The following SGCZ variants were observed in gnomAD, a reference collection of about 807,000 sequenced individuals.
SGCZ encodes sarcoglycan zeta.
SGCZ carries 40 observed loss-of-function variants against 41.3 expected under a neutral mutation model. That is an observed-to-expected ratio of 0.97 (90% CI 0.75 to 1.26). The LOEUF is 1.26. Ranked by LOEUF, SGCZ falls within the 50% of genes most tolerant of loss-of-function variation. The probability of loss-of-function intolerance (pLI) is 0.00; values close to 1 mark genes in which losing one functional copy is unlikely to be tolerated. For synonymous variants in SGCZ, 206 were observed against 137.5 expected (o/e 1.50, Z -3.49); for missense variants, 552 against 369.8 (o/e 1.49, Z -4.04).
chr8:15,139,514 T>C (rs1461454034), intron 1 of SGCZ, among the ~76,000 whole-genome samples: 2 of 152,136 alleles, frequency 1.3e-5, no homozygotes, highest in African/African-American at 4.8e-5. Flanking sequence ...ATAAATATTA[T>C]TGTGTATATT....
At chr8:14,448,916 A>G (rs1480208287) in intron 2 of SGCZ, among the ~76,000 whole-genome samples, 1 of 152,198 alleles carries the variant, frequency 6.6e-6, no homozygotes, top group Non-Finnish European at 1.5e-5. Flanking sequence ...ACTAGGCATG[A>G]CCAAAAAAGT....
intron 1 of SGCZ, among the ~76,000 whole-genome samples, chr8:14,933,147 C>T (rs142608506): frequency 2.6e-5 from 4 of 152,034 alleles, no homozygotes; most frequent in Admixed American, 6.5e-5. Flanking sequence ...CTCACTACGT[C>T]GGTAACAGCA....
At chr8:14,898,768 G>A (rs935072006) in intron 1 of SGCZ, among the ~76,000 whole-genome samples, 47 of 152,120 alleles carry the variant, frequency 3.1e-4, no homozygotes, top group Admixed American at 1.7e-3. Flanking sequence ...ACTAGTTGGA[G>A]ATAAGATTTG....
intron 1 of SGCZ, among the ~76,000 whole-genome samples, chr8:14,641,369 A>C (rs186439953): frequency 3.9e-4 from 60 of 151,904 alleles, no homozygotes; most frequent in African/African-American, 1.3e-3. Flanking sequence ...TATGTTTTAA[A>C]GTATTTTAAT....
chr8:15,084,417 C>A (rs879056061), intron 1 of SGCZ, among the ~76,000 whole-genome samples: 6 of 152,054 alleles, frequency 3.9e-5, no homozygotes, highest in Admixed American at 3.9e-4. Flanking sequence ...ATAAGTTATT[C>A]AAAGTAATAA....
At chr8:15,006,724 AT>A (rs1371608767) in intron 1 of SGCZ, among the ~76,000 whole-genome samples, 9 of 152,228 alleles carry the variant, frequency 5.9e-5, no homozygotes, top group Non-Finnish European at 1.2e-4. Flanking sequence ...CTATAAAAAA[AT>A]CTTGACGAGA....
chr8:14,901,065 A>G (rs1326004925), intron 1 of SGCZ, among the ~76,000 whole-genome samples: 3 of 152,324 alleles, frequency 2.0e-5, no homozygotes, highest in African/African-American at 7.2e-5. Flanking sequence ...AAGAATGCTT[A>G]CTCAAAGGAA....
intron 1 of SGCZ, among the ~76,000 whole-genome samples, chr8:15,023,656 T>C (rs548015557): frequency 1.4e-4 from 22 of 152,320 alleles, no homozygotes; most frequent in African/African-American, 4.3e-4. Flanking sequence ...TTTTTAAATA[T>C]TGGCATGCAA....
intron 1 of SGCZ, among the ~76,000 whole-genome samples, chr8:15,151,228 T>G (rs1276249444): frequency 6.6e-6 from 1 of 152,208 alleles, no homozygotes; most frequent in Non-Finnish European, 1.5e-5. Context: ...AATCAAGGCT[T>G]CAGATGAAGC....
chr8:15,021,399 G>A (rs1483977527), intron 1 of SGCZ, among the ~76,000 whole-genome samples: 2 of 152,194 alleles, frequency 1.3e-5, no homozygotes, highest in Admixed American at 1.3e-4. Context: ...GTTCAGACTT[G>A]TGTTCTAGGG....
rs556691965 is a variant in SGCZ, at chr8:14,932,645, T to C, written c.39+304940A>G. Among the ~76,000 whole-genome samples the C allele has an allele frequency of 8.5e-5, 13 of 152,076 alleles. No homozygotes were observed. In the South Asian group the frequency reaches 2.7e-3, roughly 32 times the overall value. ...TCAGCCAAGCAAGGCAAAACAAAAATAAATGTGTAAAGTGCTAATAGTGTA... is the reference window on the plus strand; with the variant it reads ...TCAGCCAAGCAAGGCAAAACAAAAACAAATGTGTAAAGTGCTAATAGTGTA... On this transcript the variant is annotated intron_variant, in intron 1 of 7. Transcript: ENST00000382080.
intron 3 of SGCZ, among the ~76,000 whole-genome samples, chr8:14,254,905 G>C (rs6530744): frequency 0.67 from 101,729 of 151,578 alleles, 34,484 homozygotes; most frequent in South Asian, 0.8. Context: ...CAGTGACTAT[G>C]AATTTGCACA....
intron 1 of SGCZ, among the ~76,000 whole-genome samples, chr8:15,073,951 T>C (rs975380514): frequency 6.6e-6 from 1 of 152,178 alleles, no homozygotes; most frequent in Non-Finnish European, 1.5e-5. Context: ...AACCTAACTA[T>C]GGGAAGAATT....
intron 1 of SGCZ, among the ~76,000 whole-genome samples, chr8:15,200,342 T>A (rs1216472712): frequency 6.6e-6 from 1 of 152,198 alleles, no homozygotes; most frequent in Non-Finnish European, 1.5e-5. Context: ...TACCAGGACT[T>A]CCTCAGCCCT....
At chr8:14,255,661 C>T (rs1409889848) in intron 3 of SGCZ, among the ~76,000 whole-genome samples, 2 of 151,968 alleles carry the variant, frequency 1.3e-5, no homozygotes, top group African/African-American at 2.4e-5. Flanking sequence ...ATGAATTTTT[C>T]TCCAATTAGT....
intron 2 of SGCZ, among the ~76,000 whole-genome samples, chr8:14,346,320 G>A (rs990546186): frequency 5.9e-5 from 9 of 151,982 alleles, no homozygotes; most frequent in Admixed American, 5.9e-4. Context: ...ATATCTTTGA[G>A]ATAAAATATA....
At chr8:14,531,080 C>G (rs1436814090) in intron 2 of SGCZ, among the ~76,000 whole-genome samples, 1 of 151,998 alleles carries the variant, frequency 6.6e-6, no homozygotes, top group Non-Finnish European at 1.5e-5. Flanking sequence ...AGACTGAGAA[C>G]TTCCATTCTT....
chr8:14,712,682 C>T (rs746532010), intron 1 of SGCZ, among the ~76,000 whole-genome samples: 5 of 152,120 alleles, frequency 3.3e-5, no homozygotes, highest in Middle Eastern at 3.2e-3. Context: ...AGACAGTGCA[C>T]GGCCATAAAA....
chr8:14,687,664 T>C (rs1263888765), intron 1 of SGCZ, among the ~76,000 whole-genome samples: 1 of 151,796 alleles, frequency 6.6e-6, no homozygotes, highest in East Asian at 1.9e-4. Flanking sequence ...TACATGTGCA[T>C]GTGTCTTTAT....
Sources: gnomAD v4.1 joint callset for allele counts (sites outside exome capture counted in the v4.1 genomes callset) on GRCh38, gnomAD v4.1.1 for gene constraint, MANE v1.5 for transcripts, NCBI Gene and HGNC (gene_info 2026-07-23, HGNC 2026-07-21) for gene names.